Variants in LAMA5 observed in about 807,000 individuals in gnomAD.
The protein encoded by LAMA5 is laminin subunit alpha 5.
In LAMA5, 260 loss-of-function variants were observed where a neutral mutation model predicts 433.4. The ratio of observed to expected loss-of-function variants is 0.60; its 90% CI spans 0.54 to 0.66. LAMA5 has a LOEUF of 0.66. LAMA5 is among the 30% of genes least tolerant of loss of function. The probability of loss-of-function intolerance (pLI) is 0.00; values close to 1 mark genes in which losing one functional copy is unlikely to be tolerated. For synonymous variants in LAMA5, 2,620 were observed against 2,226.6 expected (o/e 1.18, Z -4.97); for missense variants, 5,378 against 5,258.5 (o/e 1.02, Z -0.70).
chr20:62,315,177 T>G lies in LAMA5; in HGVS notation c.7898A>C (p.Lys2633Thr). The part of the protein sequence containing the change: ...DETSKKIAHA[K>T]AVAAEAQDTA... Reference sequence around the variant, plus strand: ...GTCCTGGGCTTCAGCAGCCACAGCCTTGGCATGTGCGATCTTCTTGCTTGT... The same window carrying G: ...GTCCTGGGCTTCAGCAGCCACAGCCGTGGCATGTGCGATCTTCTTGCTTGT... The change falls in exon 59 of 80, where the codon AAG becomes ACG. Residue 2633 changes from lysine to threonine, a missense_variant. Physicochemically the swap from Lys to Thr is moderately conservative, Grantham distance 78. Coordinates refer to ENST00000252999, the MANE Select transcript of LAMA5 (RefSeq NM_005560.6). 1 of 1,610,454 alleles carries G rather than the reference T, an allele frequency of 6.2e-7. No homozygotes were observed. Among genetic ancestry groups the G allele is most frequent in the South Asian group, 1.1e-5 (1 of 90,928 alleles).
chr20:62,318,899 C>G lies in LAMA5; in HGVS notation c.6986G>C (p.Arg2329Pro). The G allele has an allele frequency of 6.2e-7, 1 of 1,606,146 alleles. No individual in the cohort carries two copies. Reference protein sequence around the residue: ...VERLLWEMRARDLGAPQAAAE... With the variant: ...VERLLWEMRAPDLGAPQAAAE... ...TGCTGCCTGCGGGGCCCCCAGGTCCCGGGCCCGCATCTCCCAGAGCAGCCG... is the reference window on the plus strand; with the variant it reads ...TGCTGCCTGCGGGGCCCCCAGGTCCGGGGCCCGCATCTCCCAGAGCAGCCG... The change falls in exon 52 of 80, where the codon CGG (arginine) becomes CCG (proline). Residue 2329 changes from arginine to proline, a missense_variant. Coordinates refer to ENST00000252999, the MANE Select transcript of LAMA5 (RefSeq NM_005560.6).
chr20:62,325,289 C>A, intron 41 of LAMA5, 27 bp downstream of exon 41: 3 of 1,479,264 alleles, frequency 2.0e-6, no homozygotes, highest in Non-Finnish European at 1.8e-6. Flanking sequence ...TGAGCCGCCT[C>A]GCAGTCTGGT....
intron 2 of LAMA5, 56 bp downstream of exon 2, chr20:62,362,344 C>G: frequency 7.2e-7 from 1 of 1,392,794 alleles, no homozygotes; most frequent in Non-Finnish European, 9.4e-7. Flanking sequence ...CCAAGGTAGG[C>G]CCGACGGGCA....
chr20:62,313,389 GACC>G lies in LAMA5; in HGVS notation c.8727_8729del (p.Val2910del). The G allele has an allele frequency of 1.2e-6, 2 of 1,605,260 alleles. No homozygotes were observed. Among genetic ancestry groups the G allele is most frequent in the African/African-American group, 2.7e-5 (2 of 74,928 alleles). The stretch of plus-strand genomic sequence containing the variant: ...AGGTCCTCTCGAAGTTGTAGAGGCT[GACC>G]ACCTCCTCATTCAGCGTGTCCATCT... On this transcript the variant is annotated inframe_deletion, in exon 64 of 80. Transcript: ENST00000252999.
rs748950722 is a variant in LAMA5 at position 62,314,387 on chromosome 20, C to G, written c.8421G>C (p.Val2807=). 5 of 1,613,350 alleles carry G rather than the reference C, an allele frequency of 3.1e-6. No homozygotes were observed. Among genetic ancestry groups the G allele is most frequent in the Non-Finnish European group, 3.4e-6 (4 of 1,179,958 alleles). The change falls in exon 62 of 80, where the codon GTG becomes GTC. Residue 2807 remains valine, a synonymous_variant. Transcript: ENST00000252999. ...CAGGGCCCGCCTCACCCAGCTGATACACCCAGTGCACCTTCTTGTCACGCA... is the reference window on the plus strand; with the variant it reads ...CAGGGCCCGCCTCACCCAGCTGATAGACCCAGTGCACCTTCTTGTCACGCA... The part of the protein sequence containing the change: ...VSLRDKKVHW[V]YQLGEAGPAV...
At chr20:62,320,995 G>T in intron 48 of LAMA5, 105 bp from the exon 49 acceptor site, 1 of 1,256,806 alleles carries the variant, frequency 8.0e-7, no homozygotes, top group Non-Finnish European at 1.1e-6. Context: ...TCAGCCAGAG[G>T]TCATGAGGTC....
rs774026739 is a variant in LAMA5, at chr20:62,314,405, G to A, written c.8403C>T (p.Asp2801=). ...GCTGATACACCCAGTGCACCTTCTT[G>A]TCACGCAGAGACACACCCATGTAGT... is the stretch of plus-strand genomic sequence containing the variant. ...TGDYMGVSLR[D]KKVHWVYQLG... The change falls in exon 62 of 80, where the codon GAC becomes GAT. Residue 2801 remains aspartate, a synonymous_variant. Transcript: ENST00000252999. 1 of 1,613,482 alleles carries A rather than the reference G, an allele frequency of 6.2e-7. No individual in the cohort carries two copies.
intron 34 of LAMA5, 41 bp downstream of exon 34, chr20:62,328,803 C>T: frequency 2.5e-6 from 4 of 1,583,884 alleles, no homozygotes; most frequent in Non-Finnish European, 3.5e-6. Context: ...GCTCTGGCAC[C>T]AACTCCCTGC....
Position 62,346,139 on chromosome 20 carries a change from G to A in LAMA5, c.1359C>T (p.Phe453=). 1 of 1,613,130 alleles carries A rather than the reference G, an allele frequency of 6.2e-7. No individual in the cohort carries two copies. Among genetic ancestry groups the A allele is most frequent in the East Asian group, 2.2e-5 (1 of 44,890 alleles). The change falls in exon 10 of 80, where the codon TTC becomes TTT. Residue 453 remains phenylalanine (F), a synonymous_variant. Transcript: ENST00000252999. The part of the protein sequence containing the change: ...LTGRCYCRPN[F]SGERCDVCAE... ...CACACACGTCACACCGCTCCCCAGAGAAGTTGGGCCGGCAGTAGCATCGAC... is the reference window on the plus strand; with the variant it reads ...CACACACGTCACACCGCTCCCCAGAAAAGTTGGGCCGGCAGTAGCATCGAC...
chr20:62,360,779 G>A (rs576368302), intron 2 of LAMA5, among the ~76,000 whole-genome samples: 9 of 152,154 alleles, frequency 5.9e-5, no homozygotes, highest in Admixed American at 2.6e-4. Context: ...CTCACATGGC[G>A]GAACCTGATT....
intron 16 of LAMA5, chr20:62,336,991 T>C (rs1472119197): frequency 1.4e-6 from 1 of 692,888 alleles, no homozygotes; most frequent in South Asian, 1.5e-5. Flanking sequence ...CAGCACCTGC[T>C]CATGGACATG....
rs777887274 is a variant in LAMA5, at chr20:62,311,177, G to T, written c.10073C>A (p.Ala3358Asp). 6.2e-7 allele frequency: 1 copy of T among 1,602,196 alleles called. No individual in the cohort carries two copies. Among genetic ancestry groups the T allele is most frequent in the South Asian group, 1.1e-5 (1 of 89,482 alleles). Residue 3358 changes from alanine (A) to aspartate (D), a missense_variant, in exon 73 of 80, where the codon GCC (alanine) becomes GAC (aspartate). Transcript: ENST00000252999. ...CTGGCCTTACCAGTTCCTATGTCGG[G>T]CCAGGATGCCCACAAACTCCAGGTG... The part of the protein sequence containing the change: ...SSHLEFVGIL[A>D]RHRNWPSLSM...
Position 62,313,348 on chromosome 20 carries a change from G to A in LAMA5, c.8771C>T (p.Ala2924Val). The change falls in exon 64 of 80, where the codon GCT becomes GTT. Residue 2924 changes from alanine (A) to valine (V), a missense_variant. By Grantham distance (64) the Ala-to-Val change is moderately conservative. Transcript: ENST00000252999. The part of the protein sequence containing the change: ...NFERTFQLDT[A>V]VDRPCARSKS... ...GCACCGGGCACAAGGCCTGTCCACA[G>A]CCGTGTCCAGCTGGAAGGTCCTCTC... 6.4e-7 allele frequency: 1 copy of A among 1,569,450 alleles called. No homozygotes were observed. Among genetic ancestry groups the A allele is most frequent in the Non-Finnish European group, 8.6e-7 (1 of 1,157,774 alleles).
intron 2 of LAMA5, among the ~76,000 whole-genome samples, 177 bp downstream of exon 2, chr20:62,362,223 A>G (rs1601436240): frequency 6.6e-6 from 1 of 152,214 alleles, no homozygotes; most frequent in East Asian, 1.9e-4. Flanking sequence ...AAAGGTGACC[A>G]CTGCCGTGCC....
In LAMA5 at chr20:62,313,695, G is replaced by C. The variant is rs760159379; in HGVS notation, c.8612C>G (p.Pro2871Arg). 1 of 1,612,834 alleles carries C rather than the reference G, an allele frequency of 6.2e-7. No homozygotes were observed. Among genetic ancestry groups the C allele is most frequent in the South Asian group, 1.1e-5 (1 of 91,082 alleles). The change falls in exon 63 of 80, where the codon CCA becomes CGA. Residue 2871 changes from proline (P) to arginine (R), a missense_variant. Physicochemically the swap from Pro to Arg is moderately radical, Grantham distance 103. Transcript: ENST00000252999. Reference sequence around the variant, plus strand: ...CCCGACGTAGAAGACGAAGTCGTCTGGCCGCAGGTTGAGCAGCCCCTCTGC... The same window carrying C: ...CCCGACGTAGAAGACGAAGTCGTCTCGCCGCAGGTTGAGCAGCCCCTCTGC... Reference protein sequence around the residue: ...PGAEGLLNLRPDDFVFYVGGY... With the variant: ...PGAEGLLNLRRDDFVFYVGGY...
chr20:62,312,136 C>A (rs750719952), intron 69 of LAMA5, 37 bp downstream of exon 69: 2 of 1,609,534 alleles, frequency 1.2e-6, no homozygotes, highest in Admixed American at 1.7e-5. Flanking sequence ...CGACGGCCAC[C>A]GCGGGGTGGG....
At position 62,334,602 on chromosome 20, in the gene LAMA5, G is replaced by A. The variant is rs189329607; in HGVS notation, c.2502C>T (p.Gly834=). 5.1e-5 allele frequency: 79 copies of A among 1,547,488 alleles called. No homozygotes were observed. Among genetic ancestry groups the A allele is most frequent in the East Asian group, 9.8e-5 (4 of 40,912 alleles). The change falls in exon 21 of 80, where the codon GGC becomes GGT. Residue 834 remains glycine (G), a synonymous_variant. Transcript: ENST00000252999. ...GTTCACAGCTCTGGCCCAGTGCACC[G>A]CCAATGTCACACCGGCAGCCTGCAG... ...FGCRSCRCDI[G]GALGQSCEPR...
In LAMA5 at chr20:62,347,010, C is replaced by T. The variant is rs1983499208; in HGVS notation, c.975G>A (p.Gln325=). 1 of 1,611,622 alleles carries T rather than the reference C, an allele frequency of 6.2e-7. No homozygotes were observed. Among genetic ancestry groups the T allele is most frequent in the Non-Finnish European group, 8.5e-7 (1 of 1,179,872 alleles). The change falls in exon 7 of 80, where the codon CAG becomes CAA. Residue 325 remains glutamine, a synonymous_variant. Coordinates refer to ENST00000252999, the MANE Select transcript of LAMA5 (RefSeq NM_005560.6). ...TDPFRLQCTC[Q]HNTCGGTCDR... The stretch of plus-strand genomic sequence containing the variant: ...CGCAGGTGCCCCCGCAGGTGTTGTG[C>T]TGGCAGGTGCACTGCAGCCTGTGGG...
chr20:62,312,217 G>GGAAGCC lies in LAMA5; in HGVS notation c.9454_9459dup (p.Gly3152_Phe3153dup), dbSNP rs1413874778. 6.2e-7 allele frequency: 1 copy of GGAAGCC among 1,610,584 alleles called. No homozygotes were observed. Among genetic ancestry groups the GGAAGCC allele is most frequent in the Non-Finnish European group, 8.5e-7 (1 of 1,179,236 alleles). ...AGCAGGGCACTGTCCTGGGCGCTGT[G>GGAAGCC]GAAGCCGAAGCCGGAGTAGACGTTG... On this transcript the variant is annotated inframe_insertion, in exon 69 of 80. Coordinates refer to ENST00000252999, the MANE Select transcript of LAMA5 (RefSeq NM_005560.6).
Sources: gnomAD v4.1 joint callset for allele counts (sites outside exome capture counted in the v4.1 genomes callset) on GRCh38, gnomAD v4.1.1 for gene constraint, MANE v1.5 for transcripts, NCBI Gene and HGNC (gene_info 2026-07-23, HGNC 2026-07-21) for gene names.